Variants in GALNT10 observed in about 807,000 individuals in gnomAD.
GALNT10 encodes the protein GalNAc transferase 10.
Under a neutral mutation model 75.0 loss-of-function variants are expected in GALNT10, and 41 were observed. The ratio of observed to expected loss-of-function variants is 0.55; its 90% CI spans 0.43 to 0.71. GALNT10 has a LOEUF of 0.71. GALNT10 is among the 30% of genes least tolerant of loss of function. GALNT10 has a pLI of 0.00. For synonymous variants in GALNT10, 302 were observed against 313.0 expected (o/e 0.96, Z 0.37); for missense variants, 727 against 818.5 (o/e 0.89, Z 1.36).
intron 4 of GALNT10, among the ~76,000 whole-genome samples, chr5:154,342,368 G>T (rs140856259): frequency 2.6e-5 from 4 of 152,260 alleles, no homozygotes; most frequent in African/African-American, 9.6e-5. Flanking sequence ...CGGTCTCCAG[G>T]TCATCTGGAT....
intron 1 of GALNT10, among the ~76,000 whole-genome samples, chr5:154,255,606 T>G (rs1753594586): frequency 6.6e-6 from 1 of 152,126 alleles, no homozygotes; most frequent in Non-Finnish European, 1.5e-5. Context: ...AGGGGCATAT[T>G]GATTTGTACA....
intron 9 of GALNT10, among the ~76,000 whole-genome samples, chr5:154,410,576 C>T (rs112423214): frequency 0.015 from 2,212 of 152,198 alleles, 44 homozygotes; most frequent in African/African-American, 0.05. Context: ...CTAAGGGTTG[C>T]CCTATCTTTC....
intron 1 of GALNT10, among the ~76,000 whole-genome samples, chr5:154,277,356 A>C (rs186863574): frequency 6.6e-6 from 1 of 152,036 alleles, no homozygotes; most frequent in Non-Finnish European, 1.5e-5. Flanking sequence ...GAAAGAGTAC[A>C]AGTCTCTCGA....
intron 1 of GALNT10, among the ~76,000 whole-genome samples, chr5:154,264,775 T>G (rs1324518055): frequency 2.0e-5 from 3 of 152,186 alleles, no homozygotes; most frequent in Non-Finnish European, 4.4e-5. Flanking sequence ...CAAGGATAAA[T>G]GAACACTTGT....
intron 1 of GALNT10, among the ~76,000 whole-genome samples, chr5:154,263,193 A>G (rs1753726396): frequency 6.6e-6 from 1 of 152,218 alleles, no homozygotes; most frequent in African/African-American, 2.4e-5. Flanking sequence ...AAAAACTTGT[A>G]CATGAGTGTT....
intron 1 of GALNT10, among the ~76,000 whole-genome samples, chr5:154,224,496 G>A (rs1753031188): frequency 6.6e-6 from 1 of 152,212 alleles, no homozygotes; most frequent in South Asian, 2.1e-4. Flanking sequence ...TGTCCAGCTT[G>A]TAATTTGTTA....
At chr5:154,378,725 C>T (rs891632617) in intron 5 of GALNT10, among the ~76,000 whole-genome samples, 5 of 152,190 alleles carry the variant, frequency 3.3e-5, no homozygotes, top group Admixed American at 2.0e-4. Context: ...GGTGAAAAAA[C>T]CAACCAGGAT....
In GALNT10 at chr5:154,380,443, T is replaced by C. The variant is rs369777038; in HGVS notation, c.755-5T>C. 97 of 1,611,896 alleles carry C rather than the reference T, an allele frequency of 6.0e-5. No individual in the cohort carries two copies. In the Middle Eastern group the frequency reaches 1.8e-3, roughly 30 times the overall value. On this transcript the variant is annotated splice_region_variant and splice_polypyrimidine_tract_variant and intron_variant, in intron 5 of 11. Coordinates refer to ENST00000297107, the MANE Select transcript of GALNT10 (RefSeq NM_198321.4). ...CATCTGATAGGCATCTCTTGGCTTC[T>C]TCAGACCGCATTGCTCGGAACCGCA...
chr5:154,294,995 TG>T, intron 2 of GALNT10, 77 bp downstream of exon 2: 1 of 727,092 alleles, frequency 1.4e-6, no homozygotes. Flanking sequence ...TGTGTGTGTG[TG>T]TGTGTGTGTG....
chr5:154,387,652 T>G (rs1755826262), intron 7 of GALNT10: 1 of 152,134 alleles, frequency 6.6e-6, no homozygotes. Context: ...ATAAAGTGGG[T>G]TTAATGAAAC....
intron 1 of GALNT10, among the ~76,000 whole-genome samples, chr5:154,288,409 TG>T (rs1754144155): frequency 9.3e-4 from 2 of 2,158 alleles, no homozygotes; most frequent in African/African-American, 0.017. Flanking sequence ...AAATTCCATT[TG>T]TGTGTGTGTG....
chr5:154,329,522 C>T, intron 3 of GALNT10, 50 bp from the exon 4 acceptor site: 1 of 1,487,230 alleles, frequency 6.7e-7, no homozygotes, highest in Non-Finnish European at 9.4e-7. Context: ...GTTCTCTTGG[C>T]AGGAGGAGAG....
chr5:154,280,037 G>C (rs541798391), intron 1 of GALNT10, among the ~76,000 whole-genome samples: 1 of 152,196 alleles, frequency 6.6e-6, no homozygotes, highest in East Asian at 1.9e-4. Context: ...AATGGATAAA[G>C]AAAATGTGGT....
chr5:154,294,976 TTGTG>T (rs70978534), intron 2 of GALNT10, 58 bp downstream of exon 2: 148,371 of 603,182 alleles, frequency 0.25, 11,173 homozygotes, highest in African/African-American at 0.32. Flanking sequence ...GCACATATGC[TTGTG>T]TGTGTGTGTG....
intron 1 of GALNT10, among the ~76,000 whole-genome samples, chr5:154,244,059 G>C (rs1753383827): frequency 6.6e-6 from 1 of 152,182 alleles, no homozygotes; most frequent in African/African-American, 2.4e-5. Context: ...CCAGAGCCCA[G>C]GGCTCGGACC....
intron 4 of GALNT10, among the ~76,000 whole-genome samples, chr5:154,341,838 G>T (rs1581982491): frequency 6.6e-6 from 1 of 152,168 alleles, no homozygotes; most frequent in East Asian, 1.9e-4. Flanking sequence ...GGCTGCAGGG[G>T]GATGGAGAAC....
intron 1 of GALNT10, among the ~76,000 whole-genome samples, chr5:154,245,921 TA>T (rs1245722578): frequency 6.6e-6 from 1 of 151,910 alleles, no homozygotes; most frequent in Non-Finnish European, 1.5e-5. Context: ...ACTCGTCATT[TA>T]ACATTAGGTA....
At chr5:154,381,071 C>G (rs965189194) in intron 6 of GALNT10, among the ~76,000 whole-genome samples, 2 of 152,192 alleles carry the variant, frequency 1.3e-5, no homozygotes, top group Admixed American at 1.3e-4. Flanking sequence ...CTCCAAGAGG[C>G]TAAGTAATTT....
At chr5:154,403,131 A>G (rs1310052095) in intron 7 of GALNT10, among the ~76,000 whole-genome samples, 2 of 152,182 alleles carry the variant, frequency 1.3e-5, no homozygotes, top group Admixed American at 1.3e-4. Flanking sequence ...GTCTCAGAGA[A>G]GTTAAGTACC....
Sources: gnomAD v4.1 joint callset for allele counts (sites outside exome capture counted in the v4.1 genomes callset) on GRCh38, gnomAD v4.1.1 for gene constraint, MANE v1.5 for transcripts, NCBI Gene and HGNC (gene_info 2026-07-23, HGNC 2026-07-21) for gene names.